Variants in SHC4 observed in about 807,000 individuals in gnomAD.
The protein encoded by SHC4 is SHC adaptor protein 4, also known as SHC-transforming protein 4.
Under a neutral mutation model 69.4 loss-of-function variants are expected in SHC4, and 41 were observed. That is an observed-to-expected ratio of 0.59 (90% CI 0.46 to 0.77). SHC4 has a LOEUF of 0.77. Among genes scored for constraint, SHC4 ranks in the 30% least tolerant of loss-of-function variants. SHC4 has a pLI of 0.00. For synonymous variants in SHC4, 318 were observed against 299.3 expected (o/e 1.06, Z -0.64); for missense variants, 777 against 783.8 (o/e 0.99, Z 0.10).
At chr15:48,913,853 C>G (rs1316578681) in intron 2 of SHC4, among the ~76,000 whole-genome samples, 2 of 152,192 alleles carry the variant, frequency 1.3e-5, no homozygotes, top group East Asian at 1.9e-4. Context: ...GAAACTTCTC[C>G]CGCAAACAGA....
chr15:48,920,171 C>A (rs1016012907), intron 2 of SHC4, among the ~76,000 whole-genome samples: 3 of 146,400 alleles, frequency 2.0e-5, no homozygotes, highest in East Asian at 2.1e-4. Flanking sequence ...CCTGCCACCA[C>A]GCCTGGCTAA....
intron 2 of SHC4, among the ~76,000 whole-genome samples, chr15:48,896,344 G>A (rs1395323793): frequency 7.5e-5 from 10 of 133,284 alleles, no homozygotes; most frequent in South Asian, 4.8e-4. Flanking sequence ...TTTTTGAGAC[G>A]GAGTCTCACT....
rs1272374033 is a variant in SHC4 at position 48,894,071 on chromosome 15, G to C, written c.657-3260C>G. On this transcript the variant is annotated intron_variant, in intron 2 of 11. Coordinates refer to ENST00000332408, the MANE Select transcript of SHC4 (RefSeq NM_203349.4). ...ACTTCAAGTAAGAAACCAACCCGAA[G>C]TCTTGTGATATAGAGATAAAACATA... Among the ~76,000 whole-genome samples the C allele has an allele frequency of 2.0e-5, 3 of 152,156 alleles. 1 individual carries two copies. The East Asian group carries it at 5.8e-4, about 29-fold the overall frequency.
chr15:48,959,093 G>C (rs959122241), intron 1 of SHC4, among the ~76,000 whole-genome samples: 1 of 152,136 alleles, frequency 6.6e-6, no homozygotes, highest in African/African-American at 2.4e-5. Context: ...TTAACCCAAA[G>C]TCAACTCTAG....
chr15:48,853,917 G>A (rs535433161), intron 8 of SHC4, among the ~76,000 whole-genome samples: 136 of 152,132 alleles, frequency 8.9e-4, no homozygotes, highest in African/African-American at 2.7e-3. Flanking sequence ...ATCAGCCTTC[G>A]GAAAGAATTT....
chr15:48,849,989 G>A (rs531720955), intron 9 of SHC4, among the ~76,000 whole-genome samples: 1 of 152,286 alleles, frequency 6.6e-6, no homozygotes, highest in South Asian at 2.1e-4. Flanking sequence ...GATCACTTGA[G>A]GTCAGGAGTT....
At chr15:48,870,361 A>G (rs1407622320) in intron 5 of SHC4, among the ~76,000 whole-genome samples, 1 of 152,170 alleles carries the variant, frequency 6.6e-6, no homozygotes, top group Non-Finnish European at 1.5e-5. Context: ...GACACCTTGT[A>G]TGTCCCTTGT....
chr15:48,921,717 T>C (rs570604552), intron 2 of SHC4, among the ~76,000 whole-genome samples: 1 of 152,336 alleles, frequency 6.6e-6, no homozygotes, highest in Non-Finnish European at 1.5e-5. Flanking sequence ...AGATGGATGG[T>C]GACGATAGTT....
intron 11 of SHC4, 37 bp from the exon 12 acceptor site, chr15:48,826,163 A>G: frequency 6.4e-7 from 1 of 1,568,668 alleles, no homozygotes; most frequent in Non-Finnish European, 8.7e-7. Context: ...AGGTTAAATT[A>G]TAGTAGTTCT....
chr15:48,884,443 G>T, intron 3 of SHC4, 76 bp from the exon 4 acceptor site: 1 of 1,307,860 alleles, frequency 7.6e-7, no homozygotes, highest in Non-Finnish European at 1.0e-6. Context: ...TTTTTTAAAT[G>T]TTAAAAATGA....
At chr15:48,944,086 G>A (rs1257917150) in intron 1 of SHC4, among the ~76,000 whole-genome samples, 3 of 152,234 alleles carry the variant, frequency 2.0e-5, no homozygotes, top group South Asian at 2.1e-4. Context: ...TCAGAAAAAG[G>A]TCTATTTAGT....
At chr15:48,927,578 T>G (rs10519199) in intron 1 of SHC4, among the ~76,000 whole-genome samples, 49,343 of 151,844 alleles carry the variant, frequency 0.32, 8,504 homozygotes, top group East Asian at 0.53. Context: ...ATCAAAACAA[T>G]CTCGTTACTA....
chr15:48,837,931 A>T lies in SHC4; in HGVS notation c.1484-2909T>A, dbSNP rs565173768. On this transcript the variant is annotated intron_variant, in intron 10 of 11. Coordinates refer to ENST00000332408, the MANE Select transcript of SHC4 (RefSeq NM_203349.4). ...CTCAATGAGAAAGAAAGGATGAGACATTTAAAGAAACCAATATGAACTATA... is the reference window on the plus strand; with the variant it reads ...CTCAATGAGAAAGAAAGGATGAGACTTTTAAAGAAACCAATATGAACTATA... Among the ~76,000 whole-genome samples the T allele has an allele frequency of 3.3e-5, 5 of 152,362 alleles. No individual in the cohort carries two copies. The South Asian group carries it at 1.0e-3, about 32-fold the overall frequency.
intron 2 of SHC4, among the ~76,000 whole-genome samples, chr15:48,905,200 T>C (rs910906523): frequency 6.6e-6 from 1 of 152,202 alleles, no homozygotes; most frequent in Non-Finnish European, 1.5e-5. Context: ...TAGAAACCTC[T>C]CCGTTATTCG....
intron 11 of SHC4, among the ~76,000 whole-genome samples, chr15:48,827,964 C>T (rs555398495): frequency 6.6e-6 from 1 of 152,212 alleles, no homozygotes; most frequent in South Asian, 2.1e-4. Flanking sequence ...TCGCTCTATC[C>T]CCTGCCCAGC....
At chr15:48,852,837 G>A (rs1428371307) in intron 8 of SHC4, among the ~76,000 whole-genome samples, 3 of 151,786 alleles carry the variant, frequency 2.0e-5, no homozygotes, top group African/African-American at 7.3e-5. Context: ...GGGAGGCGGA[G>A]GTTGCAGTGA....
intron 5 of SHC4, among the ~76,000 whole-genome samples, chr15:48,870,936 T>A (rs1039738533): frequency 6.6e-6 from 1 of 152,332 alleles, no homozygotes; most frequent in Non-Finnish European, 1.5e-5. Flanking sequence ...TTCTCCCCCA[T>A]TGAATATTTA....
chr15:48,945,652 T>C (rs1901263674), intron 1 of SHC4, among the ~76,000 whole-genome samples: 1 of 152,088 alleles, frequency 6.6e-6, no homozygotes, highest in Admixed American at 6.5e-5. Flanking sequence ...TTATAAGAAA[T>C]AGCCAGAAAA....
At chr15:48,916,271 GCTCACACA>G (rs1461713093) in intron 2 of SHC4, among the ~76,000 whole-genome samples, 1,354 of 108,606 alleles carry the variant, frequency 0.012, 9 homozygotes, top group African/African-American at 0.03. Context: ...GCTGATGGTT[GCTCACACA>G]CACACACACA....
Sources: gnomAD v4.1 joint callset for allele counts (sites outside exome capture counted in the v4.1 genomes callset) on GRCh38, gnomAD v4.1.1 for gene constraint, MANE v1.5 for transcripts, NCBI Gene and HGNC (gene_info 2026-07-23, HGNC 2026-07-21) for gene names.